CD48: variants seen among roughly 807,000 people sequenced by gnomAD.
The protein encoded by CD48 is CD48 molecule.
In CD48, 20 loss-of-function variants were observed where a neutral mutation model predicts 22.0. That is an observed-to-expected ratio of 0.91 (90% CI 0.64 to 1.32). The LOEUF is 1.32. CD48 is among the 40% of genes most tolerant of loss of function. The pLI is 0.00. For synonymous variants in CD48, 110 were observed against 110.1 expected (o/e 1.00, Z 0.01); for missense variants, 307 against 286.5 (o/e 1.07, Z -0.52).
rs141565978 is a variant in CD48, at chr1:160,691,803, C to T, written c.83-6614G>A. On this transcript the variant is annotated intron_variant, in intron 1 of 3. Transcript: ENST00000368046. ...TCTCTGGGGTGAAGGTACACTCGAG[C>T]GTGGTCATTGAGGACAAGTCGACAA... 1,199 of 368,294 alleles carry T rather than the reference C, an allele frequency of 3.3e-3. 11 individuals carry two copies. The highest frequency in any genetic ancestry group is 0.022 in the African/African-American group (1,055 of 47,592). 22.8% of individuals were successfully genotyped at this position (368,294 alleles called of 1,614,324 possible). A position where few individuals can be genotyped will look rare whatever the true frequency, so the allele number is the denominator to read the frequency against.
chr1:160,681,035 G>A (rs1257713290), intron 3 of CD48, 167 bp downstream of exon 3: 4 of 1,481,732 alleles, frequency 2.7e-6, no homozygotes, highest in Non-Finnish European at 3.6e-6. Context: ...TGGCTGGGAG[G>A]TGGTGGTAGA....
intron 1 of CD48, among the ~76,000 whole-genome samples, chr1:160,703,671 A>G (rs1414358537): frequency 6.6e-6 from 1 of 152,238 alleles, no homozygotes; most frequent in Non-Finnish European, 1.5e-5. Flanking sequence ...CTGCCATGAC[A>G]GAGGAGAAAA....
intron 1 of CD48, among the ~76,000 whole-genome samples, chr1:160,687,821 T>A (rs1178926682): frequency 6.6e-6 from 1 of 152,190 alleles, no homozygotes; most frequent in Non-Finnish European, 1.5e-5. Context: ...CCATAAAGAT[T>A]TTCTGCCACC....
intron 3 of CD48, 83 bp from the exon 4 acceptor site, chr1:160,679,214 G>A: frequency 2.9e-6 from 3 of 1,047,020 alleles, no homozygotes; most frequent in Non-Finnish European, 4.5e-6. Context: ...ACTGGACACT[G>A]GTGTGGGAGC....
chr1:160,680,490 C>CT, intron 3 of CD48: 1 of 742,816 alleles, frequency 1.3e-6, no homozygotes, highest in Non-Finnish European at 1.6e-6. Flanking sequence ...ACTTGTTTAG[C>CT]TAGTAAGTGA....
chr1:160,696,938 G>A (rs1294898391), intron 1 of CD48, among the ~76,000 whole-genome samples: 8 of 150,004 alleles, frequency 5.3e-5, no homozygotes, highest in African/African-American at 2.0e-4. Flanking sequence ...TAATTCCCAA[G>A]GACAGGCCAT....
intron 1 of CD48, among the ~76,000 whole-genome samples, chr1:160,702,351 G>T (rs1328746876): frequency 6.6e-6 from 1 of 152,130 alleles, no homozygotes. Context: ...GACCTATTTG[G>T]TTTGGTTGTA....
intron 1 of CD48, among the ~76,000 whole-genome samples, chr1:160,700,005 C>T (rs896245784): frequency 6.6e-6 from 1 of 152,146 alleles, no homozygotes; most frequent in Non-Finnish European, 1.5e-5. Flanking sequence ...GGAGGGGCAA[C>T]CCACCCCTTC....
intron 1 of CD48, among the ~76,000 whole-genome samples, chr1:160,691,334 G>A (rs928088110): frequency 2.0e-5 from 3 of 152,198 alleles, no homozygotes; most frequent in Admixed American, 6.5e-5. Context: ...CCGATTGTAC[G>A]TTCCACCTAC....
chr1:160,700,997 G>A (rs540455641), intron 1 of CD48, among the ~76,000 whole-genome samples: 19 of 151,882 alleles, frequency 1.3e-4, no homozygotes, highest in African/African-American at 4.3e-4. Context: ...TATAGGCCTC[G>A]GGAAATTGGG....
chr1:160,711,727 C>G lies in CD48; in HGVS notation c.37G>C (p.Glu13Gln), dbSNP rs1174495108. 6.2e-7 allele frequency: 1 copy of G among 1,613,658 alleles called. No homozygotes were observed. Among genetic ancestry groups the G allele is most frequent in the Non-Finnish European group, 8.5e-7 (1 of 1,179,752 alleles). Reference sequence around the variant, plus strand: ...AGTGACAGAGGCAGCAGTAGCAATTCCAGAGCCAGACACGAATCCCAACCT... The same window carrying G: ...AGTGACAGAGGCAGCAGTAGCAATTGCAGAGCCAGACACGAATCCCAACCT... ...SRGWDSCLALELLLLPLSLLV... is the reference protein window; with the variant it reads ...SRGWDSCLALQLLLLPLSLLV... Residue 13 changes from glutamate (E) to glutamine (Q), a missense_variant, in exon 1 of 4, where the codon GAA becomes CAA. Glu to Gln is a conservative substitution (Grantham distance 29, BLOSUM62 2). Transcript: ENST00000368046.
chr1:160,699,883 A>G (rs1236330582), intron 1 of CD48: 1 of 151,646 alleles, frequency 6.6e-6, no homozygotes, highest in Non-Finnish European at 1.5e-5. Flanking sequence ...GATCCTCCAT[A>G]TGCTGAACGT....
At chr1:160,690,648 T>C (rs1662174927) in intron 1 of CD48, among the ~76,000 whole-genome samples, 1 of 152,122 alleles carries the variant, frequency 6.6e-6, no homozygotes, top group South Asian at 2.1e-4. Flanking sequence ...ATGTGTAATA[T>C]AGGAAGGGTG....
intron 1 of CD48, among the ~76,000 whole-genome samples, chr1:160,711,038 G>A (rs778768563): frequency 4.4e-4 from 67 of 152,158 alleles, no homozygotes; most frequent in Non-Finnish European, 8.8e-4. Flanking sequence ...AGGAAAGTTA[G>A]CTCAGCCCTT....
chr1:160,684,927 A>C lies in CD48; in HGVS notation c.345T>G (p.Thr115=). 6.2e-7 allele frequency: 1 copy of C among 1,614,044 alleles called. No homozygotes were observed. Among genetic ancestry groups the C allele is most frequent in the Non-Finnish European group, 8.5e-7 (1 of 1,180,010 alleles). ...TGATCTTCCATTCTTGCTCATTCCCAGTCTTTTTCAACACCCTCATGATGT... is the reference window on the plus strand; with the variant it reads ...TGATCTTCCATTCTTGCTCATTCCCCGTCTTTTTCAACACCCTCATGATGT... ...STYIMRVLKK[T]GNEQEWKIKL... The change falls in exon 2 of 4, where the codon ACT becomes ACG. Residue 115 remains threonine (T), a synonymous_variant. Transcript: ENST00000368046.
chr1:160,705,659 G>C (rs1343953379), intron 1 of CD48, among the ~76,000 whole-genome samples: 1 of 152,172 alleles, frequency 6.6e-6, no homozygotes, highest in Non-Finnish European at 1.5e-5. Flanking sequence ...AAAATCACTA[G>C]ACATATTCCA....
At chr1:160,689,407 T>C (rs1180336509) in intron 1 of CD48, among the ~76,000 whole-genome samples, 1 of 152,170 alleles carries the variant, frequency 6.6e-6, no homozygotes, top group African/African-American at 2.4e-5. Flanking sequence ...GTGTAGCAGG[T>C]AAATCAGTGT....
At chr1:160,695,381 C>G (rs2102421081) in intron 1 of CD48, among the ~76,000 whole-genome samples, 1 of 152,300 alleles carries the variant, frequency 6.6e-6, no homozygotes, top group Admixed American at 6.5e-5. Context: ...GCAGAGGTTG[C>G]CAATGCAGGA....
intron 1 of CD48, among the ~76,000 whole-genome samples, chr1:160,703,364 T>TA (rs1662692413): frequency 1.3e-5 from 2 of 152,036 alleles, no homozygotes; most frequent in Admixed American, 1.3e-4. Flanking sequence ...TAAATTCTTT[T>TA]AAAAAAGGTA....
Sources: gnomAD v4.1 joint callset for allele counts (sites outside exome capture counted in the v4.1 genomes callset) on GRCh38, gnomAD v4.1.1 for gene constraint, MANE v1.5 for transcripts, NCBI Gene and HGNC (gene_info 2026-07-23, HGNC 2026-07-21) for gene names.